SGCZ: variants seen among roughly 807,000 people sequenced by gnomAD.
The protein encoded by SGCZ is sarcoglycan zeta.
SGCZ carries 40 observed loss-of-function variants against 41.3 expected under a neutral mutation model. The ratio of observed to expected loss-of-function variants is 0.97; its 90% CI spans 0.75 to 1.26. SGCZ has a LOEUF of 1.26. SGCZ is among the 50% of genes most tolerant of loss of function. The probability of loss-of-function intolerance (pLI) is 0.00; values close to 1 mark genes in which losing one functional copy is unlikely to be tolerated. For synonymous variants in SGCZ, 206 were observed against 137.5 expected (o/e 1.50, Z -3.49); for missense variants, 552 against 369.8 (o/e 1.49, Z -4.04).
chr8:14,799,507 G>C (rs1389106171), intron 1 of SGCZ, among the ~76,000 whole-genome samples: 2 of 151,908 alleles, frequency 1.3e-5, no homozygotes, highest in Non-Finnish European at 1.5e-5. Context: ...GTCTAACCCT[G>C]GCATGGTGAT....
At chr8:14,233,007 C>A (rs750755118) in intron 4 of SGCZ, among the ~76,000 whole-genome samples, 3 of 151,930 alleles carry the variant, frequency 2.0e-5, no homozygotes, top group Non-Finnish European at 4.4e-5. Flanking sequence ...TGACATAGGG[C>A]CCCATAAGTA....
In SGCZ at chr8:14,569,731, C is replaced by T. The variant is rs376846118; in HGVS notation, c.40-14805G>A. ...TTATAATTTAGATAGGGCAGCCTGT[C>T]GAGGCCTCTTTGAAAACTGAAGTTT... On this transcript the variant is annotated intron_variant, in intron 1 of 7. Transcript: ENST00000382080. Among the ~76,000 whole-genome samples the T allele has an allele frequency of 1.1e-3, 175 of 152,256 alleles. 1 individual carries two copies. Among genetic ancestry groups the T allele is most frequent in the Middle Eastern group, 0.01 (3 of 294 alleles).
chr8:14,633,415 G>C (rs1407408989), intron 1 of SGCZ, among the ~76,000 whole-genome samples: 1 of 151,764 alleles, frequency 6.6e-6, no homozygotes, highest in Non-Finnish European at 1.5e-5. Context: ...ATGTTCTTTT[G>C]AATAAGTAAC....
At chr8:14,185,558 A>G (rs1251856769) in intron 4 of SGCZ, among the ~76,000 whole-genome samples, 1 of 152,158 alleles carries the variant, frequency 6.6e-6, no homozygotes, top group Non-Finnish European at 1.5e-5. Flanking sequence ...TCTCACTAGC[A>G]TCTGACTCAT....
intron 1 of SGCZ, among the ~76,000 whole-genome samples, chr8:14,777,018 G>T (rs11987475): frequency 0.059 from 8,939 of 152,240 alleles, 902 homozygotes; most frequent in African/African-American, 0.2. Context: ...GCCAGATGTA[G>T]TCCAGCATGT....
At chr8:14,197,993 T>A (rs936001026) in intron 4 of SGCZ, among the ~76,000 whole-genome samples, 2 of 152,344 alleles carry the variant, frequency 1.3e-5, no homozygotes, top group African/African-American at 4.8e-5. Context: ...TAATTGTGTA[T>A]CTTTACACTG....
chr8:14,138,357 G>A (rs1218134466), intron 5 of SGCZ, among the ~76,000 whole-genome samples: 1 of 151,974 alleles, frequency 6.6e-6, no homozygotes, highest in Non-Finnish European at 1.5e-5. Context: ...AATGTAAATG[G>A]GCTAAATGCC....
intron 1 of SGCZ, among the ~76,000 whole-genome samples, chr8:14,774,171 G>C (rs1800332072): frequency 6.6e-6 from 1 of 152,140 alleles, no homozygotes. Context: ...GGCTTGAATA[G>C]AGCAAATGAC....
chr8:14,459,247 C>A (rs994442633), intron 2 of SGCZ, among the ~76,000 whole-genome samples: 3 of 151,792 alleles, frequency 2.0e-5, no homozygotes, highest in Non-Finnish European at 2.9e-5. Context: ...AAGGGGAACA[C>A]CACACACCGG....
intron 1 of SGCZ, among the ~76,000 whole-genome samples, chr8:14,752,499 T>G (rs1723360201): frequency 6.6e-6 from 1 of 152,196 alleles, no homozygotes; most frequent in East Asian, 1.9e-4. Context: ...CATCTCAATC[T>G]ATTGTAATAA....
At chr8:14,870,561 G>T (rs1057511504) in intron 1 of SGCZ, among the ~76,000 whole-genome samples, 21 of 152,060 alleles carry the variant, frequency 1.4e-4, no homozygotes, top group Admixed American at 1.4e-3. Context: ...AAAAGCAATG[G>T]CAAGAAAAGC....
intron 1 of SGCZ, among the ~76,000 whole-genome samples, chr8:14,801,218 T>C (rs547726599): frequency 3.3e-5 from 5 of 152,258 alleles, no homozygotes; most frequent in African/African-American, 9.6e-5. Context: ...ACTCAGTGTA[T>C]TGAAACAGAG....
intron 4 of SGCZ, among the ~76,000 whole-genome samples, chr8:14,222,672 G>A (rs939856334): frequency 2.0e-5 from 3 of 151,674 alleles, no homozygotes; most frequent in Non-Finnish European, 4.4e-5. Context: ...TTACTCCATG[G>A]ACAATTTACT....
intron 3 of SGCZ, among the ~76,000 whole-genome samples, chr8:14,290,562 A>T (rs757864064): frequency 1.3e-5 from 2 of 152,126 alleles, no homozygotes; most frequent in Non-Finnish European, 2.9e-5. Context: ...AGACATTCAA[A>T]TGGCCAACAA....
At chr8:14,343,549 A>G (rs1402957352) in intron 2 of SGCZ, among the ~76,000 whole-genome samples, 1 of 152,160 alleles carries the variant, frequency 6.6e-6, no homozygotes, top group East Asian at 1.9e-4. Flanking sequence ...AATATATAAG[A>G]ATTTCAAGAA....
chr8:14,704,873 G>A (rs1809283525), intron 1 of SGCZ, among the ~76,000 whole-genome samples: 1 of 151,894 alleles, frequency 6.6e-6, no homozygotes, highest in Non-Finnish European at 1.5e-5. Context: ...TGGTAAGCAA[G>A]CCAAACTCGC....
intron 1 of SGCZ, among the ~76,000 whole-genome samples, chr8:15,193,125 C>T (rs1314733817): frequency 6.6e-6 from 1 of 151,902 alleles, no homozygotes; most frequent in African/African-American, 2.4e-5. Context: ...AACACATGAC[C>T]GGAAAGGCTA....
chr8:14,187,560 G>A (rs1307549642), intron 4 of SGCZ, among the ~76,000 whole-genome samples: 1 of 151,810 alleles, frequency 6.6e-6, no homozygotes, highest in African/African-American at 2.4e-5. Context: ...CTGGAGTTGA[G>A]AAATATACTG....
At chr8:14,199,386 C>A (rs1307053445) in intron 4 of SGCZ, among the ~76,000 whole-genome samples, 1 of 152,156 alleles carries the variant, frequency 6.6e-6, no homozygotes, top group South Asian at 2.1e-4. Context: ...AAGATGTTAT[C>A]AATGACAATG....
Sources: gnomAD v4.1 joint callset for allele counts (sites outside exome capture counted in the v4.1 genomes callset) on GRCh38, gnomAD v4.1.1 for gene constraint, MANE v1.5 for transcripts, NCBI Gene and HGNC (gene_info 2026-07-23, HGNC 2026-07-21) for gene names.